ZNF200: variants seen among roughly 807,000 people sequenced by gnomAD.
The protein encoded by ZNF200 is zinc finger protein 200.
ZNF200 carries 35 observed loss-of-function variants against 33.6 expected under a neutral mutation model. The ratio of observed to expected loss-of-function variants is 1.04; its 90% CI spans 0.80 to 1.38. ZNF200 has a LOEUF of 1.38. ZNF200 is among the 40% of genes most tolerant of loss of function. The pLI is 0.00. For synonymous variants in ZNF200, 209 were observed against 167.7 expected, an observed-to-expected ratio of 1.25 and a Z score of -1.90; for missense variants, 592 against 470.6, an observed-to-expected ratio of 1.26 and a Z score of -2.39.
chr16:3,231,366 T>C (rs1462439038), intron 4 of ZNF200, among the ~76,000 whole-genome samples: 1 of 152,174 alleles, frequency 6.6e-6, no homozygotes, highest in African/African-American at 2.4e-5. Flanking sequence ...CTTCTGACCA[T>C]ACGGTATAAT....
intron 4 of ZNF200, 108 bp from the exon 5 acceptor site, chr16:3,224,721 G>A: frequency 4.2e-6 from 6 of 1,416,270 alleles, no homozygotes; most frequent in Non-Finnish European, 3.8e-6. Flanking sequence ...TCAATCTGGG[G>A]AGTGGCGGAT....
rs910607971 is a variant in ZNF200, at chr16:3,224,540, C to A, written c.540G>T (p.Lys180Asn). The A allele has an allele frequency of 6.2e-7, 1 of 1,613,948 alleles. No homozygotes were observed. Among genetic ancestry groups the A allele is most frequent in the African/African-American group, 1.3e-5 (1 of 75,028 alleles). ...EPVENEDYRE[K>N]SSDDDEMDSS... is the part of the protein sequence containing the mutation. ...AATCCATTTCATCATCATCTGAAGA[C>A]TTTTCTCTATAATCTTCATTTTCTA... is the stretch of plus-strand genomic sequence containing the variant. The change falls in exon 5 of 5, where the codon AAG becomes AAT. Residue 180 changes from lysine to asparagine, a missense_variant. Transcript: ENST00000414144.
chr16:3,222,430 A>G lies in ZNF200; in HGVS notation c.*1462T>C, dbSNP rs569013890. Reference sequence around the variant, plus strand: ...TTAACAACAGTGAGATGACTATACAAATATATAATTAAAAATAACTTTCCC... The same window carrying G: ...TTAACAACAGTGAGATGACTATACAGATATATAATTAAAAATAACTTTCCC... On this transcript the variant is annotated 3_prime_UTR_variant, in exon 5 of 5. Coordinates refer to ENST00000414144, the MANE Select transcript of ZNF200 (RefSeq NM_198088.3). The G allele has an allele frequency of 9.8e-5, 15 of 152,368 alleles. No homozygotes were observed. The highest frequency in any genetic ancestry group is 4.1e-4 in the South Asian group (2 of 4,832). The allele number at this position is 152,368 out of a possible 1,614,324, so 9.4% of individuals were successfully genotyped here.
intron 3 of ZNF200, 105 bp downstream of exon 3, chr16:3,232,727 GA>G: frequency 6.9e-7 from 1 of 1,442,440 alleles, no homozygotes; most frequent in Non-Finnish European, 9.5e-7. Context: ...AAAAGCAGAA[GA>G]AAAACACCCA....
rs868575445 is a variant in ZNF200 at position 3,224,146 on chromosome 16, G to A, written c.934C>T (p.Gln312Ter). The A allele has an allele frequency of 6.2e-7, 1 of 1,614,092 alleles. No individual in the cohort carries two copies. The highest frequency in any genetic ancestry group is 1.3e-5 in the African/African-American group (1 of 75,010). The change falls in exon 5 of 5, where the codon CAG becomes TAG. Residue 312 changes from glutamine (Q) to a stop codon, truncating the protein, a stop_gained. Coordinates refer to ENST00000414144, the MANE Select transcript of ZNF200 (RefSeq NM_198088.3). LOFTEE classifies it high-confidence loss of function. ...HTGEKPYSCS[Q>*]CGKNFRQNSH... ...TTCTGACGGAAGTTTTTTCCACACT[G>A]AGAACAGGAATAAGGTTTCTCTCCT...
At chr16:3,230,861 C>T (rs189598467) in intron 4 of ZNF200, among the ~76,000 whole-genome samples, 52 of 152,308 alleles carry the variant, frequency 3.4e-4, no homozygotes, top group African/African-American at 1.2e-3. Context: ...TTCTTCACTA[C>T]TCTGCCCCGG....
chr16:3,229,021 GTTT>G (rs1167819921), intron 4 of ZNF200, among the ~76,000 whole-genome samples: 2 of 152,082 alleles, frequency 1.3e-5, no homozygotes, highest in Non-Finnish European at 2.9e-5. Context: ...TACATATTCA[GTTT>G]TTTTGTCATT....
intron 2 of ZNF200, 107 bp downstream of exon 2, chr16:3,233,399 T>C (rs995717069): frequency 7.0e-7 from 1 of 1,422,180 alleles, no homozygotes; most frequent in East Asian, 2.5e-5. Context: ...TTGACTCCTT[T>C]TCCAATATAC....
At chr16:3,232,181 T>A (rs1253995294) in intron 4 of ZNF200, among the ~76,000 whole-genome samples, 1 of 152,148 alleles carries the variant, frequency 6.6e-6, no homozygotes, top group East Asian at 1.9e-4. Flanking sequence ...AGTTTCTATG[T>A]CTGCAGGTTT....
chr16:3,229,572 A>T (rs532024229), intron 4 of ZNF200, among the ~76,000 whole-genome samples: 34 of 152,318 alleles, frequency 2.2e-4, no homozygotes, highest in African/African-American at 6.7e-4. Context: ...ACTTTTAAAA[A>T]TTAAATAATT....
chr16:3,224,093 G>A lies in ZNF200; in HGVS notation c.987C>T (p.Ile329=), dbSNP rs937499985. ...QNSHRSRHEG[I]HIREKIFKCP... is the part of the protein sequence containing the mutation. ...ACTTAAATATCTTCTCCCTTATATG[G>A]ATTCCTTCATGACGACTCCGATGAG... is the stretch of plus-strand genomic sequence containing the variant. Residue 329 remains isoleucine (I), a synonymous_variant, in exon 5 of 5, where the codon ATC becomes ATT. Coordinates refer to ENST00000414144, the MANE Select transcript of ZNF200 (RefSeq NM_198088.3). 4 of 1,613,974 alleles carry A rather than the reference G, an allele frequency of 2.5e-6. No individual in the cohort carries two copies. The African/African-American group carries it at 5.3e-5, about 22-fold the overall frequency.
intron 4 of ZNF200, chr16:3,227,856 C>T (rs1958512312): frequency 1.3e-5 from 2 of 152,016 alleles, no homozygotes; most frequent in African/African-American, 4.8e-5. Flanking sequence ...ACGAATACAC[C>T]AACTTTATCA....
At position 3,224,314 on chromosome 16, in the gene ZNF200, G is replaced by C. The variant is rs772510762; in HGVS notation, c.766C>G (p.Leu256Val). ...CTTTCATTAAACTGTTTCCCACACA[G>C]TGGACAAGTGTACCATCTCCTTGTC... ...RRTRRWYTCP[L>V]CGKQFNESSY... The change falls in exon 5 of 5, where the codon CTG (leucine) becomes GTG (valine). Residue 256 changes from leucine (L) to valine (V), a missense_variant. Leu to Val is a conservative substitution (Grantham distance 32). Transcript: ENST00000414144. 1 of 1,614,190 alleles carries C rather than the reference G, an allele frequency of 6.2e-7. No homozygotes were observed. Among genetic ancestry groups the C allele is most frequent in the South Asian group, 1.1e-5 (1 of 91,082 alleles).
At chr16:3,231,508 T>C (rs1428931673) in intron 4 of ZNF200, among the ~76,000 whole-genome samples, 2 of 152,182 alleles carry the variant, frequency 1.3e-5, no homozygotes, top group African/African-American at 4.8e-5. Context: ...CGGCACTCAG[T>C]AAAGACATTT....
At position 3,233,762 on chromosome 16, in the gene ZNF200, C is replaced by T. The variant is rs763672224; in HGVS notation, c.-7G>A. The T allele has an allele frequency of 6.2e-7, 1 of 1,605,894 alleles. No homozygotes were observed. On this transcript the variant is annotated 5_prime_UTR_variant, in exon 2 of 5. Coordinates refer to ENST00000414144, the MANE Select transcript of ZNF200 (RefSeq NM_198088.3). ...CCACTTTTGCAGCCATCATGCCTTG[C>T]AACCACACACCACACTCGTTTCGCG...
intron 4 of ZNF200, chr16:3,225,957 G>C (rs1958458088): frequency 6.6e-6 from 1 of 150,924 alleles, no homozygotes; most frequent in East Asian, 1.9e-4. Context: ...TGTTGCCTAG[G>C]CTGGTTTTGC....
At chr16:3,234,609 T>C (rs1395107588) in intron 1 of ZNF200, 1 of 152,318 alleles carries the variant, frequency 6.6e-6, no homozygotes, top group Non-Finnish European at 1.5e-5. Flanking sequence ...AAAAGCAGGT[T>C]GGTCACTGAA....
Position 3,223,718 on chromosome 16 carries a change from CCT to C in ZNF200, c.*172_*173del, listed in dbSNP as rs1958389753. 4.0e-6 allele frequency: 4 copies of C among 990,390 alleles called. No homozygotes were observed. The highest frequency in any genetic ancestry group is 5.8e-6 in the Non-Finnish European group (4 of 690,782). 61.4% of individuals were successfully genotyped at this position (990,390 alleles called of 1,614,324 possible). Reference sequence around the variant, plus strand: ...GTATAGCCCTTGAAATGTTTTCTTCCCTGTGAATTTTCTAGCAATTTGAGGTT... The same window carrying C: ...GTATAGCCCTTGAAATGTTTTCTTCCGTGAATTTTCTAGCAATTTGAGGTT... On this transcript the variant is annotated 3_prime_UTR_variant, in exon 5 of 5. Transcript: ENST00000414144.
At chr16:3,233,447 T>C in intron 2 of ZNF200, 59 bp downstream of exon 2, 3 of 1,485,776 alleles carry the variant, frequency 2.0e-6, no homozygotes, top group East Asian at 2.4e-5. Context: ...CACAGAAACC[T>C]ATCTTAGACT....
Sources: allele counts gnomAD v4.1 joint callset (sites outside exome capture counted in the v4.1 genomes callset), GRCh38; gene constraint gnomAD v4.1.1; transcripts MANE v1.5; gene names NCBI Gene and HGNC (gene_info 2026-07-23, HGNC 2026-07-21).